RAD21: variants seen among roughly 807,000 people sequenced by gnomAD.
RAD21 encodes double-strand-break repair protein rad21 homolog.
A neutral mutation model predicts 71.5 loss-of-function variants in RAD21; 18 were observed. The observed-to-expected ratio is 0.25, with a 90% CI of 0.17 to 0.37. The LOEUF is 0.37. RAD21 is among the 10% of genes least tolerant of loss of function. RAD21 has a pLI of 1.00. For synonymous variants in RAD21, 248 were observed against 254.0 expected (o/e 0.98, Z 0.22); for missense variants, 493 against 769.1 (o/e 0.64, Z 4.25).
chr8:116,874,460 C>T (rs1267038390), intron 1 of RAD21, 151 bp downstream of exon 1: 11 of 207,828 alleles, frequency 5.3e-5, no homozygotes, highest in Non-Finnish European at 9.6e-5. Context: ...GCTTGGGCGC[C>T]GGGAGGGTGG....
At chr8:116,859,368 G>A (rs1812538180) in intron 4 of RAD21, among the ~76,000 whole-genome samples, 1 of 151,922 alleles carries the variant, frequency 6.6e-6, no homozygotes, top group African/African-American at 2.4e-5. Flanking sequence ...TATTTGTTAT[G>A]GTGATCTTGA....
In RAD21 at chr8:116,847,571, T is replaced by C; in HGVS notation, c.1825A>G (p.Ile609Val). ...SFLVLKKQQA[I>V]ELTQEEPYSD... ...TACGGTTCTTCCTGTGTCAGCTCAATAGCTTGCTGCTTTTTAAGAACCAAG... is the reference window on the plus strand; with the variant it reads ...TACGGTTCTTCCTGTGTCAGCTCAACAGCTTGCTGCTTTTTAAGAACCAAG... Residue 609 changes from isoleucine (I) to valine (V), a missense_variant, in exon 14 of 14, where the codon ATT becomes GTT. This residue lies in a region of RAD21 where 34 missense variants were observed against 59.9 expected (regional missense o/e 0.57). Coordinates refer to ENST00000297338, the MANE Select transcript of RAD21 (RefSeq NM_006265.3). 6.2e-7 allele frequency: 1 copy of C among 1,614,128 alleles called. No homozygotes were observed. The highest frequency in any genetic ancestry group is 8.5e-7 in the Non-Finnish European group (1 of 1,179,984).
Position 116,848,939 on chromosome 8 carries a change from G to C in RAD21, c.1704+7C>G. 6.3e-7 allele frequency: 1 copy of C among 1,599,758 alleles called. No homozygotes were observed. Among genetic ancestry groups the C allele is most frequent in the Non-Finnish European group, 8.5e-7 (1 of 1,172,498 alleles). ...AGCATTTTCCTCTGAGACAACAGCG[G>C]CAATACCTGAAGACCATGAAGCATC... On this transcript the variant is annotated splice_region_variant and intron_variant, in intron 13 of 13. Coordinates refer to ENST00000297338, the MANE Select transcript of RAD21 (RefSeq NM_006265.3).
chr8:116,863,104 C>A, intron 3 of RAD21, 26 bp downstream of exon 3: 2 of 1,584,466 alleles, frequency 1.3e-6, no homozygotes, highest in Non-Finnish European at 1.7e-6. Context: ...ACAACAACAA[C>A]AAAAACCAAA....
At chr8:116,872,201 G>A (rs901642461) in intron 1 of RAD21, among the ~76,000 whole-genome samples, 2 of 152,096 alleles carry the variant, frequency 1.3e-5, no homozygotes, top group Non-Finnish European at 2.9e-5. Context: ...ATGTTAGTAG[G>A]TTATATGCAA....
chr8:116,872,481 T>C (rs1563695890), intron 1 of RAD21, among the ~76,000 whole-genome samples: 1 of 152,036 alleles, frequency 6.6e-6, no homozygotes, highest in Non-Finnish European at 1.5e-5. Context: ...CTCTGGAAAG[T>C]AGGTATGCAG....
At chr8:116,872,837 A>C (rs1157507187) in intron 1 of RAD21, among the ~76,000 whole-genome samples, 1 of 152,184 alleles carries the variant, frequency 6.6e-6, no homozygotes, top group Non-Finnish European at 1.5e-5. Flanking sequence ...CTAACCCTGC[A>C]CACTAGAAAT....
chr8:116,870,507 CT>C (rs1812798104), intron 1 of RAD21, among the ~76,000 whole-genome samples: 2 of 152,234 alleles, frequency 1.3e-5, no homozygotes, highest in South Asian at 4.1e-4. Context: ...TTAAAACATG[CT>C]TCCCATACCG....
intron 11 of RAD21, 178 bp downstream of exon 11, chr8:116,851,770 G>A (rs1320530622): frequency 1.8e-6 from 1 of 542,338 alleles, no homozygotes; most frequent in African/African-American, 1.9e-5. Flanking sequence ...CCGACTCCCA[G>A]AACATATTCT....
intron 2 of RAD21, among the ~76,000 whole-genome samples, chr8:116,865,712 G>A (rs1390846951): frequency 2.0e-5 from 3 of 152,050 alleles, no homozygotes; most frequent in East Asian, 3.9e-4. Context: ...TAATCTTTTG[G>A]TATGCCTTCT....
At chr8:116,859,934 ACTCT>A (rs1812554192) in intron 4 of RAD21, among the ~76,000 whole-genome samples, 1 of 152,146 alleles carries the variant, frequency 6.6e-6, no homozygotes, top group Non-Finnish European at 1.5e-5. Context: ...GAAAAATGCT[ACTCT>A]AGTGAACATG....
intron 5 of RAD21, 83 bp downstream of exon 5, chr8:116,858,269 A>G (rs531591864): frequency 1.9e-6 from 2 of 1,057,864 alleles, no homozygotes; most frequent in East Asian, 2.4e-5. Flanking sequence ...CTTTCTGTCT[A>G]TAGTCTGGTT....
chr8:116,864,653 T>C (rs779176304), intron 2 of RAD21, among the ~76,000 whole-genome samples: 9 of 152,056 alleles, frequency 5.9e-5, no homozygotes, highest in African/African-American at 2.2e-4. Context: ...AAAATTAATA[T>C]TGATTGAACC....
intron 1 of RAD21, chr8:116,874,294 G>A (rs1447189750): frequency 6.6e-6 from 1 of 152,606 alleles, no homozygotes; most frequent in African/African-American, 2.4e-5. Flanking sequence ...GGCCTCCTGG[G>A]GGACGTGAGA....
rs766247586 is a variant in RAD21, at chr8:116,866,718, T to G, written c.12A>C (p.Ala4=). The G allele has an allele frequency of 2.5e-6, 4 of 1,610,298 alleles. No homozygotes were observed. The Admixed American group carries it at 6.7e-5, about 27-fold the overall frequency. MFY[A]HFVLSKRGPL... ...GCCCTCTTTTACTGAGAACAAAATGTGCGTAGAACATTGTTCTGGCTGGCT... is the reference window on the plus strand; with the variant it reads ...GCCCTCTTTTACTGAGAACAAAATGGGCGTAGAACATTGTTCTGGCTGGCT... The change falls in exon 2 of 14, where the codon GCA becomes GCC. Residue 4 remains alanine, a synonymous_variant. Coordinates refer to ENST00000297338, the MANE Select transcript of RAD21 (RefSeq NM_006265.3).
At chr8:116,868,936 A>AC (rs1441344660) in intron 1 of RAD21, among the ~76,000 whole-genome samples, 3 of 151,076 alleles carry the variant, frequency 2.0e-5, no homozygotes, top group African/African-American at 7.3e-5. Context: ...GCACGCACAC[A>AC]CCCCCCACAA....
At chr8:116,861,750 A>T in intron 4 of RAD21, 91 bp downstream of exon 4, 1 of 885,876 alleles carries the variant, frequency 1.1e-6, no homozygotes, top group Non-Finnish European at 1.8e-6. Context: ...TGTTAATGTA[A>T]AACATTCCAA....
chr8:116,874,741 G>T lies in RAD21; in HGVS notation c.-163C>A, dbSNP rs767210087. 2.2e-6 allele frequency: 1 copy of T among 454,652 alleles called. No individual in the cohort carries two copies. Among genetic ancestry groups the T allele is most frequent in the Non-Finnish European group, 4.4e-6 (1 of 225,812 alleles). The allele number at this position is 454,652 out of a possible 1,614,324, so 28.2% of individuals were successfully genotyped here. Reference sequence around the variant, plus strand: ...AGCAGCTCCCGCCGCCGCCACAGCCGGCGCCTCCTTTCCGATTCACTCAAA... The same window carrying T: ...AGCAGCTCCCGCCGCCGCCACAGCCTGCGCCTCCTTTCCGATTCACTCAAA... On this transcript the variant is annotated 5_prime_UTR_variant, in exon 1 of 14. Coordinates refer to ENST00000297338, the MANE Select transcript of RAD21 (RefSeq NM_006265.3).
chr8:116,858,241 T>C, intron 5 of RAD21, 111 bp downstream of exon 5: 1 of 756,734 alleles, frequency 1.3e-6, no homozygotes, highest in East Asian at 2.7e-5. Flanking sequence ...TGAAAATGCA[T>C]TACATGAAAT....
Sources: allele counts gnomAD v4.1 joint callset (sites outside exome capture counted in the v4.1 genomes callset), GRCh38; gene constraint gnomAD v4.1.1; regional missense constraint gnomAD v4.1.1; transcripts MANE v1.5; gene names NCBI Gene and HGNC (gene_info 2026-07-23, HGNC 2026-07-21).